MARCHF3: variants seen among roughly 807,000 people sequenced by gnomAD.
MARCHF3 encodes E3 ubiquitin-protein ligase MARCHF3.
A neutral mutation model predicts 24.2 loss-of-function variants in MARCHF3; 13 were observed. That is an observed-to-expected ratio of 0.54 (90% CI 0.35 to 0.85). The LOEUF (loss-of-function observed/expected upper bound fraction) is 0.85, where lower values mean the gene tolerates loss of function less well. Among genes scored for constraint, MARCHF3 ranks in the 40% least tolerant of loss-of-function variants. The probability of loss-of-function intolerance (pLI) is 0.01; values close to 1 mark genes in which losing one functional copy is unlikely to be tolerated. For synonymous variants in MARCHF3, 144 were observed against 137.3 expected (o/e 1.05, Z -0.34); for missense variants, 276 against 325.0 (o/e 0.85, Z 1.16).
chr5:126,988,118 C>T (rs935810361), intron 1 of MARCHF3, among the ~76,000 whole-genome samples: 12 of 152,054 alleles, frequency 7.9e-5, no homozygotes, highest in African/African-American at 2.7e-4. Flanking sequence ...AAGCACACCC[C>T]GCCCCCGTCA....
chr5:126,887,437 TGTTA>T (rs940998389), intron 3 of MARCHF3, among the ~76,000 whole-genome samples: 3 of 152,262 alleles, frequency 2.0e-5, no homozygotes, highest in Admixed American at 6.5e-5. Context: ...ATTATTTTAA[TGTTA>T]GTTATTAGAT....
At chr5:126,899,019 G>A (rs1337944136) in intron 3 of MARCHF3, 7 of 985,112 alleles carry the variant, frequency 7.1e-6, no homozygotes, top group East Asian at 2.3e-4. Flanking sequence ...TGTTTTACAA[G>A]CACCAACATA....
intron 3 of MARCHF3, among the ~76,000 whole-genome samples, chr5:126,888,660 A>G (rs1187943149): frequency 6.6e-6 from 1 of 152,260 alleles, no homozygotes; most frequent in Non-Finnish European, 1.5e-5. Context: ...GAGATAACCA[A>G]GACAGAATGG....
chr5:126,923,473 T>A (rs777752589), intron 1 of MARCHF3, among the ~76,000 whole-genome samples: 3 of 152,162 alleles, frequency 2.0e-5, no homozygotes, highest in Non-Finnish European at 2.9e-5. Flanking sequence ...CAGGAGAATG[T>A]GAGTGCTGGC....
intron 3 of MARCHF3, 31 bp from the exon 4 acceptor site, chr5:126,878,425 A>T (rs1753242412): frequency 6.3e-7 from 1 of 1,587,128 alleles, no homozygotes; most frequent in African/African-American, 1.3e-5. Context: ...GAGAAGAGCA[A>T]GGGAGAGGGT....
At chr5:127,016,776 T>A (rs1190916728) in intron 1 of MARCHF3, among the ~76,000 whole-genome samples, 2 of 152,168 alleles carry the variant, frequency 1.3e-5, no homozygotes, top group Non-Finnish European at 2.9e-5. Context: ...CCCAAAGGAT[T>A]ATAAATCATG....
In MARCHF3 at chr5:126,870,618, C is replaced by T. The variant is rs1282604880; in HGVS notation, c.*15G>A. The stretch of plus-strand genomic sequence containing the variant: ...CCCAAACAATGAATCAAACAACCAA[C>T]CAACCATACAAACATCAAACAACTG... On this transcript the variant is annotated 3_prime_UTR_variant, in exon 5 of 5. Transcript: ENST00000308660. The T allele has an allele frequency of 1.2e-6, 2 of 1,613,142 alleles. No individual in the cohort carries two copies. Among genetic ancestry groups the T allele is most frequent in the South Asian group, 1.1e-5 (1 of 91,042 alleles).
chr5:126,896,343 AT>A (rs1212291306), intron 3 of MARCHF3, among the ~76,000 whole-genome samples: 2 of 152,096 alleles, frequency 1.3e-5, no homozygotes, highest in African/African-American at 4.8e-5. Flanking sequence ...CAGAAAAGAC[AT>A]TCTTAAGGGG....
At chr5:126,899,578 A>G (rs1478730890) in intron 3 of MARCHF3, among the ~76,000 whole-genome samples, 1 of 152,128 alleles carries the variant, frequency 6.6e-6, no homozygotes, top group Non-Finnish European at 1.5e-5. Context: ...ATGAGAAGAA[A>G]AAAAGAAAGG....
At chr5:126,908,467 A>T (rs1432190747) in intron 3 of MARCHF3, among the ~76,000 whole-genome samples, 1 of 152,152 alleles carries the variant, frequency 6.6e-6, no homozygotes, top group African/African-American at 2.4e-5. Flanking sequence ...CCAATCAGAC[A>T]TAGATTTGGT....
intron 1 of MARCHF3, among the ~76,000 whole-genome samples, chr5:127,000,990 A>T (rs2126850398): frequency 6.6e-6 from 1 of 152,276 alleles, no homozygotes; most frequent in South Asian, 2.1e-4. Flanking sequence ...CTGTAACCCC[A>T]GCACTTTGGG....
At chr5:126,955,039 A>C (rs1172539547) in intron 1 of MARCHF3, among the ~76,000 whole-genome samples, 1 of 152,142 alleles carries the variant, frequency 6.6e-6, no homozygotes, top group East Asian at 1.9e-4. Context: ...CCATACTCTA[A>C]AGTCACTTTG....
At chr5:126,895,164 C>T (rs1278182638) in intron 3 of MARCHF3, among the ~76,000 whole-genome samples, 1 of 152,064 alleles carries the variant, frequency 6.6e-6, no homozygotes, top group East Asian at 1.9e-4. Context: ...GCTCCATCAG[C>T]TCCTTTAAGC....
intron 3 of MARCHF3, among the ~76,000 whole-genome samples, chr5:126,895,847 G>A (rs901084359): frequency 6.6e-6 from 1 of 152,146 alleles, no homozygotes; most frequent in African/African-American, 2.4e-5. Context: ...CACCCAGTTG[G>A]AGCTTCCGGG....
intron 1 of MARCHF3, among the ~76,000 whole-genome samples, chr5:126,966,070 T>A (rs1750803899): frequency 6.6e-6 from 1 of 152,132 alleles, no homozygotes; most frequent in Non-Finnish European, 1.5e-5. Context: ...CATGCTGACA[T>A]AAAGAAGCTG....
In MARCHF3 at chr5:127,029,664, G is replaced by T. The variant is rs564150925; in HGVS notation, c.-57+686C>A. Among the ~76,000 whole-genome samples the T allele has an allele frequency of 3.9e-5, 6 of 152,292 alleles. No individual in the cohort carries two copies. The South Asian group carries it at 1.2e-3, about 32-fold the overall frequency. ...CTGGCAATCCCTTTCGCAGCCTCTA[G>T]GATTCTCCAAGGCACTGGGCACCAG... On this transcript the variant is annotated intron_variant, in intron 1 of 4. Coordinates refer to ENST00000308660, the MANE Select transcript of MARCHF3 (RefSeq NM_178450.5).
intron 3 of MARCHF3, among the ~76,000 whole-genome samples, chr5:126,898,631 A>G (rs1754004772): frequency 6.6e-6 from 1 of 152,018 alleles, no homozygotes; most frequent in African/African-American, 2.4e-5. Context: ...GATGGTGCAT[A>G]TTTTCCCTTC....
At chr5:126,960,266 C>A (rs187153121) in intron 1 of MARCHF3, among the ~76,000 whole-genome samples, 1 of 152,214 alleles carries the variant, frequency 6.6e-6, no homozygotes, top group Admixed American at 6.5e-5. Context: ...AAATTGTTTA[C>A]GGTTTCTGCT....
At chr5:127,022,563 C>T (rs557358602) in intron 1 of MARCHF3, among the ~76,000 whole-genome samples, 88 of 152,298 alleles carry the variant, frequency 5.8e-4, no homozygotes, top group Middle Eastern at 3.4e-3. Flanking sequence ...AAGCAAATTT[C>T]CACAGGGAGA....
Sources: gnomAD v4.1 joint callset for allele counts (sites outside exome capture counted in the v4.1 genomes callset) on GRCh38, gnomAD v4.1.1 for gene constraint, MANE v1.5 for transcripts, NCBI Gene and HGNC (gene_info 2026-07-23, HGNC 2026-07-21) for gene names.